VPS13D: variants seen among roughly 807,000 people sequenced by gnomAD.
VPS13D encodes intermembrane lipid transfer protein VPS13D.
Under a neutral mutation model 461.9 loss-of-function variants are expected in VPS13D, and 187 were observed. The observed-to-expected ratio is 0.40, with a 90% CI of 0.36 to 0.46. VPS13D has a LOEUF of 0.46. Ranked by LOEUF, VPS13D falls within the 20% of genes least tolerant of loss-of-function variation. The pLI is 0.60. For missense variants in VPS13D, 4,711 were observed against 5,364.9 expected (o/e 0.88, Z 3.81); for synonymous variants, 1,951 against 1,986.3 (o/e 0.98, Z 0.47).
At position 12,497,648 on chromosome 1, in the gene VPS13D, G is replaced by T. The variant is rs1242533187; in HGVS notation, c.12794+17G>T. ...GGACGAATTGTAAGTTAGAGCATGG[G>T]AAACCAGCCCTGTGGGTCTACTGAG... On this transcript the variant is annotated intron_variant, in intron 68 of 69. Coordinates refer to ENST00000620676, the MANE Select transcript of VPS13D (RefSeq NM_015378.4). The T allele has an allele frequency of 1.9e-6, 3 of 1,607,914 alleles. No homozygotes were observed. Among genetic ancestry groups the T allele is most frequent in the East Asian group, 4.5e-5 (2 of 44,740 alleles).
chr1:12,329,394 A>G lies in VPS13D; in HGVS notation c.8198-435A>G, dbSNP rs181627959. Among the ~76,000 whole-genome samples the G allele has an allele frequency of 5.6e-3, 851 of 152,144 alleles. 8 individuals carry two copies. Among genetic ancestry groups the G allele is most frequent in the African/African-American group, 0.019 (776 of 41,482 alleles). On this transcript the variant is annotated intron_variant, in intron 36 of 69. Coordinates refer to ENST00000620676, the MANE Select transcript of VPS13D (RefSeq NM_015378.4). ...ACGCCCAGCCAGTTTTTGTATTTGT[A>G]GTAGAAATGGGGTTTCACCATGTTG...
At chr1:12,463,386 C>T (rs1235070034) in intron 67 of VPS13D, among the ~76,000 whole-genome samples, 1 of 152,176 alleles carries the variant, frequency 6.6e-6, no homozygotes, top group Non-Finnish European at 1.5e-5. Context: ...GGATACATAG[C>T]AGCCGTTTCA....
intron 67 of VPS13D, among the ~76,000 whole-genome samples, chr1:12,483,316 G>A (rs944320141): frequency 6.6e-6 from 1 of 152,238 alleles, no homozygotes; most frequent in Non-Finnish European, 1.5e-5. Flanking sequence ...ATCTGAAAGA[G>A]TGAGTATCTG....
intron 67 of VPS13D, among the ~76,000 whole-genome samples, chr1:12,463,837 T>C (rs1161067775): frequency 6.6e-6 from 1 of 152,192 alleles, no homozygotes; most frequent in Admixed American, 6.5e-5. Flanking sequence ...CTGGGTCAAG[T>C]CAAGACATCT....
intron 68 of VPS13D, among the ~76,000 whole-genome samples, chr1:12,504,927 G>T (rs953506241): frequency 1.3e-5 from 2 of 152,206 alleles, no homozygotes; most frequent in East Asian, 3.9e-4. Flanking sequence ...AAGTGCCCAG[G>T]GTGGTGGCGC....
intron 33 of VPS13D, 84 bp downstream of exon 33, chr1:12,322,048 C>A: frequency 1.3e-6 from 2 of 1,526,276 alleles, no homozygotes; most frequent in Non-Finnish European, 1.8e-6. Context: ...CTGAGCCCAA[C>A]AACCTCTTTT....
At chr1:12,361,686 C>T (rs949877324) in intron 50 of VPS13D, among the ~76,000 whole-genome samples, 1 of 152,056 alleles carries the variant, frequency 6.6e-6, no homozygotes, top group Non-Finnish European at 1.5e-5. Context: ...TGAGCCACCA[C>T]GCCCGGCCTG....
chr1:12,317,140 G>A (rs1330845250), intron 30 of VPS13D, among the ~76,000 whole-genome samples: 1 of 152,062 alleles, frequency 6.6e-6, no homozygotes, highest in Non-Finnish European at 1.5e-5. Context: ...GTACTAGTGT[G>A]TGTAAACTTG....
intron 24 of VPS13D, among the ~76,000 whole-genome samples, chr1:12,295,222 C>CAAAAAAAA (rs112447551): frequency 6.8e-5 from 5 of 73,010 alleles, no homozygotes; most frequent in Non-Finnish European, 1.4e-4. Flanking sequence ...CACCATGACT[C>CAAAAAAAA]AAAAAAAAAA....
At chr1:12,343,936 C>T (rs894235196) in intron 42 of VPS13D, among the ~76,000 whole-genome samples, 1 of 152,186 alleles carries the variant, frequency 6.6e-6, no homozygotes, top group African/African-American at 2.4e-5. Context: ...TTTTAACAAG[C>T]AGCTAGTTTC....
Position 12,322,706 on chromosome 1 carries a change from A to G in VPS13D, c.7875A>G (p.Glu2625=), listed in dbSNP as rs1643072177. ...YLPGASRVGE[E]IREGTRHTLD... is the part of the protein sequence containing the mutation. ...CAGGTGCATCTCGCGTTGGAGAGGA[A>G]ATCAGAGAAGGGACAAGACACACCT... Residue 2625 remains glutamate (E), a synonymous_variant, in exon 34 of 70, where the codon GAA becomes GAG. Transcript: ENST00000620676. The G allele has an allele frequency of 6.2e-7, 1 of 1,614,068 alleles. No individual in the cohort carries two copies. Among genetic ancestry groups the G allele is most frequent in the Non-Finnish European group, 8.5e-7 (1 of 1,180,032 alleles).
chr1:12,439,707 A>T (rs959279114), intron 65 of VPS13D, among the ~76,000 whole-genome samples: 2 of 152,140 alleles, frequency 1.3e-5, no homozygotes, highest in Non-Finnish European at 2.9e-5. Context: ...AGTGCCTGGC[A>T]AATAGTGCTA....
At chr1:12,428,504 A>G (rs1418419115) in intron 65 of VPS13D, among the ~76,000 whole-genome samples, 1 of 152,246 alleles carries the variant, frequency 6.6e-6, no homozygotes, top group Non-Finnish European at 1.5e-5. Flanking sequence ...TGCAGAGAAC[A>G]TGACAGAGAG....
At chr1:12,399,198 A>C (rs531209518) in intron 60 of VPS13D, among the ~76,000 whole-genome samples, 1 of 141,470 alleles carries the variant, frequency 7.1e-6, no homozygotes, top group East Asian at 2.0e-4. Context: ...CAAATAGTTG[A>C]TTTTTTTTTT....
At chr1:12,233,012 CTT>C (rs1177244701) in intron 1 of VPS13D, among the ~76,000 whole-genome samples, 1 of 142,696 alleles carries the variant, frequency 7.0e-6, no homozygotes, top group Non-Finnish European at 1.5e-5. Context: ...GTTTCTTTTT[CTT>C]TTTTTTTTTG....
intron 65 of VPS13D, among the ~76,000 whole-genome samples, chr1:12,429,971 C>A (rs1235576425): frequency 6.6e-6 from 1 of 152,160 alleles, no homozygotes; most frequent in Non-Finnish European, 1.5e-5. Flanking sequence ...ACATTTCCTG[C>A]AAGCTGTTGA....
intron 37 of VPS13D, among the ~76,000 whole-genome samples, chr1:12,331,185 C>A (rs953891856): frequency 6.6e-6 from 1 of 152,126 alleles, no homozygotes. Flanking sequence ...CTTAAGAGAG[C>A]TGAAAGAAGG....
intron 64 of VPS13D, among the ~76,000 whole-genome samples, chr1:12,416,279 C>G (rs1022456781): frequency 6.6e-6 from 1 of 152,220 alleles, no homozygotes; most frequent in African/African-American, 2.4e-5. Flanking sequence ...AAATCTACCT[C>G]TCTTCCTCAC....
At chr1:12,358,811 T>C (rs1040064275) in intron 50 of VPS13D, among the ~76,000 whole-genome samples, 21 of 152,308 alleles carry the variant, frequency 1.4e-4, no homozygotes, top group Middle Eastern at 3.4e-3. Flanking sequence ...AACACTGCCC[T>C]TTTGAGGTCT....
Sources: gnomAD v4.1 joint callset for allele counts (sites outside exome capture counted in the v4.1 genomes callset) on GRCh38, gnomAD v4.1.1 for gene constraint, MANE v1.5 for transcripts, NCBI Gene and HGNC (gene_info 2026-07-23, HGNC 2026-07-21) for gene names.